The following KAT6B variants were observed in gnomAD, a reference collection of about 807,000 sequenced individuals.
KAT6B encodes the protein histone acetyltransferase KAT6B.
Under a neutral mutation model 187.5 loss-of-function variants are expected in KAT6B, and 10 were observed. The ratio of observed to expected loss-of-function variants is 0.05; its 90% CI spans 0.03 to 0.09. The LOEUF is 0.09. KAT6B is among the 10% of genes least tolerant of loss of function. The pLI is 1.00. For missense variants in KAT6B, 1,952 were observed against 2,558.9 expected (o/e 0.76, Z 5.12); for synonymous variants, 861 against 926.8 (o/e 0.93, Z 1.29).
At chr10:74,988,991 A>G (rs764416938) in intron 12 of KAT6B, 28 bp from the exon 13 acceptor site, 10 of 1,509,918 alleles carry the variant, frequency 6.6e-6, no homozygotes, top group Non-Finnish European at 9.2e-6. Context: ...GGGCTCTGAC[A>G]TACTTGATCT....
chr10:74,884,610 C>G (rs1845098192), intron 3 of KAT6B, among the ~76,000 whole-genome samples: 1 of 151,984 alleles, frequency 6.6e-6, no homozygotes, highest in African/African-American at 2.4e-5. Flanking sequence ...ACTCTGTTGC[C>G]CAGGCTGGAG....
chr10:74,904,430 A>T (rs1389914477), intron 3 of KAT6B, among the ~76,000 whole-genome samples: 1 of 152,192 alleles, frequency 6.6e-6, no homozygotes, highest in African/African-American at 2.4e-5. Context: ...GGCCCTCTCT[A>T]CAATGTAGCA....
chr10:74,854,676 T>G (rs1274205069), intron 3 of KAT6B, among the ~76,000 whole-genome samples: 2 of 152,210 alleles, frequency 1.3e-5, no homozygotes, highest in Admixed American at 6.5e-5. Context: ...AGCCACTATT[T>G]TTTAGAAACC....
At chr10:75,024,469 A>T (rs1407422288) in intron 16 of KAT6B, among the ~76,000 whole-genome samples, 3 of 152,156 alleles carry the variant, frequency 2.0e-5, no homozygotes, top group Non-Finnish European at 2.9e-5. Context: ...AATGAGAAAA[A>T]GTAGGCTGGT....
chr10:74,864,677 G>A (rs1843430789), intron 3 of KAT6B, among the ~76,000 whole-genome samples: 1 of 152,130 alleles, frequency 6.6e-6, no homozygotes, highest in Admixed American at 6.6e-5. Context: ...GAGTAGCTGG[G>A]ATTATAGGCA....
At chr10:74,862,152 A>G (rs1276818770) in intron 3 of KAT6B, among the ~76,000 whole-genome samples, 2 of 152,208 alleles carry the variant, frequency 1.3e-5, no homozygotes, top group South Asian at 4.1e-4. Flanking sequence ...AAAATCATCA[A>G]ATTCACCCCT....
intron 3 of KAT6B, among the ~76,000 whole-genome samples, chr10:74,848,894 C>CA (rs1295269206): frequency 6.6e-6 from 1 of 152,126 alleles, no homozygotes; most frequent in African/African-American, 2.4e-5. Flanking sequence ...TGCTTGAAGT[C>CA]ATAGGATTTG....
intron 13 of KAT6B, chr10:75,003,269 TATCAG>T (rs1308346978): frequency 9.9e-5 from 15 of 152,242 alleles, no homozygotes; most frequent in African/African-American, 3.6e-4. Context: ...CTTTTTCTCT[TATCAG>T]ATAATTCATT....
At chr10:74,999,650 A>G (rs749059106) in intron 13 of KAT6B, among the ~76,000 whole-genome samples, 14 of 152,172 alleles carry the variant, frequency 9.2e-5, no homozygotes, top group Non-Finnish European at 1.8e-4. Flanking sequence ...AGCCCTTGCT[A>G]TGTGTCAGGC....
In KAT6B at chr10:74,912,963, A is replaced by G. The variant is rs566542338; in HGVS notation, c.622-47007A>G. Among the ~76,000 whole-genome samples the G allele has an allele frequency of 7.2e-5, 11 of 152,334 alleles. No homozygotes were observed. In the South Asian group the frequency reaches 2.1e-3, roughly 29 times the overall value. On this transcript the variant is annotated intron_variant, in intron 3 of 17. Coordinates refer to ENST00000287239, the MANE Select transcript of KAT6B (RefSeq NM_012330.4). The stretch of plus-strand genomic sequence containing the variant: ...CTTGTTGCTATTGATTGGGTTGTTC[A>G]GTCAATTGCAAAAAAGTGGATCTAA...
intron 4 of KAT6B, among the ~76,000 whole-genome samples, chr10:74,963,306 A>T (rs1297701874): frequency 2.0e-5 from 3 of 152,238 alleles, no homozygotes; most frequent in Admixed American, 2.0e-4. Context: ...ATTAGATATT[A>T]TACCAAATGA....
At chr10:74,863,693 A>G (rs1319465748) in intron 3 of KAT6B, among the ~76,000 whole-genome samples, 4 of 152,178 alleles carry the variant, frequency 2.6e-5, no homozygotes, top group African/African-American at 9.7e-5. Flanking sequence ...TTTGATTACT[A>G]ATGACTTGGA....
intron 3 of KAT6B, among the ~76,000 whole-genome samples, chr10:74,926,362 G>T (rs1277655778): frequency 6.6e-6 from 1 of 152,002 alleles, no homozygotes; most frequent in Non-Finnish European, 1.5e-5. Context: ...GCTGAGGCAG[G>T]ATAATCACTT....
intron 6 of KAT6B, among the ~76,000 whole-genome samples, chr10:74,971,218 C>T (rs984430048): frequency 1.3e-5 from 2 of 152,030 alleles, no homozygotes; most frequent in Admixed American, 6.6e-5. Flanking sequence ...CAAATGTTTC[C>T]AATTTTTTCC....
At chr10:74,905,625 G>A (rs1846702596) in intron 3 of KAT6B, among the ~76,000 whole-genome samples, 1 of 152,176 alleles carries the variant, frequency 6.6e-6, no homozygotes, top group South Asian at 2.1e-4. Context: ...TCTGTAAAAT[G>A]AGGGTTAAAA....
intron 3 of KAT6B, among the ~76,000 whole-genome samples, chr10:74,926,681 T>C (rs1848525556): frequency 6.6e-6 from 1 of 152,244 alleles, no homozygotes. Flanking sequence ...TCCCTCCATG[T>C]AATCTCAGAA....
chr10:74,941,992 A>G (rs1037572815), intron 3 of KAT6B, among the ~76,000 whole-genome samples: 3 of 152,108 alleles, frequency 2.0e-5, no homozygotes, highest in African/African-American at 4.8e-5. Context: ...TCTACTAAAA[A>G]TACAAAAATT....
At chr10:74,842,377 G>T (rs1254598893) in intron 2 of KAT6B, among the ~76,000 whole-genome samples, 1 of 152,068 alleles carries the variant, frequency 6.6e-6, no homozygotes, top group African/African-American at 2.4e-5. Flanking sequence ...CCTCATAAAT[G>T]ACTTCATATA....
chr10:74,964,646 A>C (rs1385483306), intron 4 of KAT6B, among the ~76,000 whole-genome samples: 1 of 152,190 alleles, frequency 6.6e-6, no homozygotes, highest in Non-Finnish European at 1.5e-5. Flanking sequence ...CAAAGTTAAT[A>C]TCCAGAACAG....
Sources: allele counts gnomAD v4.1 joint callset (sites outside exome capture counted in the v4.1 genomes callset), GRCh38; gene constraint gnomAD v4.1.1; transcripts MANE v1.5; gene names NCBI Gene and HGNC (gene_info 2026-07-23, HGNC 2026-07-21).